Variants in LSAMP observed in about 807,000 individuals in gnomAD.
LSAMP encodes limbic system-associated membrane protein.
LSAMP carries 7 observed loss-of-function variants against 38.6 expected under a neutral mutation model. That is an observed-to-expected ratio of 0.18 (90% CI 0.10 to 0.34). The LOEUF is 0.34. LSAMP is among the 10% of genes least tolerant of loss of function. The pLI is 1.00. For synonymous variants in LSAMP, 154 were observed against 166.8 expected (o/e 0.92, Z 0.59); for missense variants, 313 against 420.0 (o/e 0.75, Z 2.23).
chr3:116,437,870 T>C (rs2049376499), intron 1 of LSAMP, among the ~76,000 whole-genome samples: 1 of 152,146 alleles, frequency 6.6e-6, no homozygotes, highest in Admixed American at 6.5e-5. Flanking sequence ...GATAACGAAC[T>C]AAATTTTTCT....
At chr3:116,430,822 C>T (rs2049270835) in intron 1 of LSAMP, among the ~76,000 whole-genome samples, 1 of 151,976 alleles carries the variant, frequency 6.6e-6, no homozygotes, top group East Asian at 1.9e-4. Flanking sequence ...TTCTACTATG[C>T]CATTTGAATG....
chr3:116,338,754 A>C (rs1168380179), intron 1 of LSAMP, among the ~76,000 whole-genome samples: 1 of 152,062 alleles, frequency 6.6e-6, no homozygotes, highest in Admixed American at 6.6e-5. Flanking sequence ...ACCTGAAAAG[A>C]ATGCTGAAGG....
intron 6 of LSAMP, among the ~76,000 whole-genome samples, chr3:115,840,351 AC>A (rs1324005957): frequency 2.7e-5 from 4 of 147,570 alleles, no homozygotes; most frequent in Admixed American, 2.0e-4. Context: ...TTCCCCCCGC[AC>A]CCCCCCTCTC....
intron 1 of LSAMP, among the ~76,000 whole-genome samples, chr3:116,210,724 A>G (rs2046145172): frequency 1.3e-5 from 2 of 152,220 alleles, no homozygotes; most frequent in Non-Finnish European, 2.9e-5. Context: ...GAACTCTAAT[A>G]TAAGGATGAT....
chr3:116,420,353 C>T (rs1380258989), intron 1 of LSAMP, among the ~76,000 whole-genome samples: 3 of 151,962 alleles, frequency 2.0e-5, no homozygotes, highest in African/African-American at 7.2e-5. Flanking sequence ...CTGCCTTTGC[C>T]TCCCAAAGTG....
rs1559809225 is a variant in LSAMP at position 116,275,502 on chromosome 3, C to CCTAATTAATTAAAAAGAAAT, written c.155+169374_155+169375insATTTCTTTTTAATTAATTAG. ...GGGGGAGTCTATAATTTAAAAGAAA[C>CCTAATTAATTAAAAAGAAAT]GTTATTTACCTAATTAATTATTAAG... On this transcript the variant is annotated intron_variant, in intron 1 of 6. Coordinates refer to ENST00000490035, the MANE Select transcript of LSAMP (RefSeq NM_002338.5). 7.9e-5 allele frequency among the ~76,000 whole-genome samples: 12 copies of CCTAATTAATTAAAAAGAAAT among 152,204 alleles called. 1 individual carries two copies. The highest frequency in any genetic ancestry group is 2.9e-4 in the African/African-American group (12 of 41,432).
intron 2 of LSAMP, among the ~76,000 whole-genome samples, chr3:116,050,018 T>C (rs1364035063): frequency 6.6e-6 from 1 of 152,210 alleles, no homozygotes; most frequent in African/African-American, 2.4e-5. Flanking sequence ...TCCCCTGCTC[T>C]GTGCCCTGGG....
At chr3:115,883,473 A>C (rs1299316654) in intron 3 of LSAMP, among the ~76,000 whole-genome samples, 1 of 152,064 alleles carries the variant, frequency 6.6e-6, no homozygotes, top group African/African-American at 2.4e-5. Flanking sequence ...TCCTAATGTG[A>C]TATATTTTGA....
At chr3:116,425,525 T>C (rs1163516442) in intron 1 of LSAMP, among the ~76,000 whole-genome samples, 1 of 152,224 alleles carries the variant, frequency 6.6e-6, no homozygotes, top group Non-Finnish European at 1.5e-5. Flanking sequence ...CTTGGAGTTT[T>C]ACCTCTTCTT....
At chr3:116,181,125 C>A (rs1710475395) in intron 1 of LSAMP, among the ~76,000 whole-genome samples, 1 of 152,012 alleles carries the variant, frequency 6.6e-6, no homozygotes, top group East Asian at 1.9e-4. Flanking sequence ...CTTATAATAG[C>A]ATTATAACAA....
chr3:115,954,584 C>T (rs572069439), intron 3 of LSAMP, among the ~76,000 whole-genome samples: 66 of 152,316 alleles, frequency 4.3e-4, no homozygotes, highest in Non-Finnish European at 8.2e-4. Flanking sequence ...ATAGAGCATT[C>T]ATTTGCACTA....
At chr3:116,141,799 C>A (rs902313494) in intron 1 of LSAMP, among the ~76,000 whole-genome samples, 11 of 151,926 alleles carry the variant, frequency 7.2e-5, no homozygotes, top group African/African-American at 2.7e-4. Context: ...AATCATACAA[C>A]CTTTGGGCCA....
At chr3:116,202,888 A>C (rs2046006542) in intron 1 of LSAMP, among the ~76,000 whole-genome samples, 1 of 152,144 alleles carries the variant, frequency 6.6e-6, no homozygotes, top group Non-Finnish European at 1.5e-5. Flanking sequence ...GTCCCCAATC[A>C]TTAAGGGTAA....
chr3:116,445,040 C>T lies in LSAMP; in HGVS notation c.-9G>A, dbSNP rs536067654. The T allele has an allele frequency of 6.2e-6, 10 of 1,607,292 alleles. No individual in the cohort carries two copies. The highest frequency in any genetic ancestry group is 2.2e-5 in the East Asian group (1 of 44,736). On this transcript the variant is annotated 5_prime_UTR_variant, in exon 1 of 7. In the 5' UTR this introduces an upstream ATG that the reference lacks. Transcript: ENST00000490035. Reference sequence around the variant, plus strand: ...TGAACTCTCCTGACCATGGTGGCCACGCCGAGGTGCGGGTCCGCGGGGTGC... The same window carrying T: ...TGAACTCTCCTGACCATGGTGGCCATGCCGAGGTGCGGGTCCGCGGGGTGC...
chr3:115,893,367 A>G (rs902807106), intron 3 of LSAMP, among the ~76,000 whole-genome samples: 1 of 152,064 alleles, frequency 6.6e-6, no homozygotes, highest in Non-Finnish European at 1.5e-5. Flanking sequence ...AAACTGGTTA[A>G]TGAATATTGT....
intron 3 of LSAMP, among the ~76,000 whole-genome samples, chr3:115,879,615 G>A (rs1248364404): frequency 2.0e-5 from 3 of 152,150 alleles, no homozygotes; most frequent in Admixed American, 1.3e-4. Context: ...CTGTACCAAT[G>A]GAGGGCAGGG....
At chr3:115,944,061 T>C (rs1030064120) in intron 3 of LSAMP, among the ~76,000 whole-genome samples, 6 of 152,158 alleles carry the variant, frequency 3.9e-5, no homozygotes, top group Non-Finnish European at 7.4e-5. Flanking sequence ...AATGCAGTTT[T>C]CCCACAGTAC....
chr3:116,262,061 G>A (rs1388298886), intron 1 of LSAMP, among the ~76,000 whole-genome samples: 3 of 152,076 alleles, frequency 2.0e-5, no homozygotes, highest in Non-Finnish European at 2.9e-5. Flanking sequence ...TGAGCCTAAT[G>A]GAGCCCCTTC....
At chr3:116,397,984 T>G (rs1376085930) in intron 1 of LSAMP, among the ~76,000 whole-genome samples, 1 of 152,034 alleles carries the variant, frequency 6.6e-6, no homozygotes, top group Non-Finnish European at 1.5e-5. Flanking sequence ...TCATGCTGTC[T>G]TTTATGGGAA....
Sources: gnomAD v4.1 joint callset for allele counts (sites outside exome capture counted in the v4.1 genomes callset) on GRCh38, gnomAD v4.1.1 for gene constraint, MANE v1.5 for transcripts, NCBI Gene and HGNC (gene_info 2026-07-23, HGNC 2026-07-21) for gene names.